RANBP2: variants seen among roughly 807,000 people sequenced by gnomAD.
The protein encoded by RANBP2 is E3 SUMO-protein ligase RanBP2.
In RANBP2, 57 loss-of-function variants were observed where a neutral mutation model predicts 303.6. The ratio of observed to expected loss-of-function variants is 0.19; its 90% confidence interval spans 0.15 to 0.23. The LOEUF is 0.23. RANBP2 is among the 10% of genes least tolerant of loss of function. RANBP2 has a pLI of 1.00. For synonymous variants in RANBP2, 1,167 were observed against 1,301.5 expected, an observed-to-expected ratio of 0.90 and a Z score of 2.23; for missense variants, 3,138 against 3,780.8, an observed-to-expected ratio of 0.83 and a Z score of 4.46.
the RANBP2 span, among the ~76,000 whole-genome samples, chr2:108,950,405 T>C: frequency 1.3e-5 from 2 of 152,136 alleles, no homozygotes; most frequent in African/African-American, 4.8e-5. Context: ...TGCATGCCAC[T>C]GCCTCTGGCT....
At chr2:109,162,333 C>A in the RANBP2 span, among the ~76,000 whole-genome samples, 1 of 152,208 alleles carries the variant, frequency 6.6e-6, no homozygotes, top group Non-Finnish European at 1.5e-5. Context: ...TGCTCTGACA[C>A]GTAAGCCCTC....
the RANBP2 span, among the ~76,000 whole-genome samples, chr2:109,206,454 G>GCA: frequency 7.9e-6 from 1 of 126,460 alleles, no homozygotes; most frequent in Non-Finnish European, 1.6e-5. Flanking sequence ...TCGTGCCACC[G>GCA]CACTCCAGCC....
chr2:108,828,040 A>G, the RANBP2 span, among the ~76,000 whole-genome samples: 2,000 of 152,204 alleles, frequency 0.013, 149 homozygotes, highest in East Asian at 0.21. Flanking sequence ...GATTTCACAT[A>G]TGATAAAGGT....
Position 108,767,276 on chromosome 2 carries a change from C to T in RANBP2, c.6737C>T (p.Ser2246Phe). ...GTCAGTAGTAGCTCAGTACATGCTT[C>T]TCCATTGGCAAGTAGCCCTGTGAGA... ...DSVSSSSVHA[S>F]PLASSPVRKN... is the part of the protein sequence containing the mutation. Residue 2246 changes from serine (S) to phenylalanine (F), a missense_variant, in exon 20 of 29, where the codon TCT becomes TTT. Physicochemically the swap from Ser to Phe is radical, Grantham distance 155 (BLOSUM62 -2). This residue lies in a region of RANBP2 where 72 missense variants were observed against 86.8 expected (regional missense o/e 0.83). Transcript: ENST00000283195. 8 of 1,612,060 alleles carry T rather than the reference C, an allele frequency of 5.0e-6. No individual in the cohort carries two copies. Among genetic ancestry groups the T allele is most frequent in the Non-Finnish European group, 6.8e-6 (8 of 1,179,876 alleles).
chr2:109,300,858 G>A, the RANBP2 span, among the ~76,000 whole-genome samples: 2 of 152,156 alleles, frequency 1.3e-5, no homozygotes, highest in Admixed American at 6.5e-5. Context: ...AAATCAGAAC[G>A]ACTTAAAAAG....
the RANBP2 span, among the ~76,000 whole-genome samples, chr2:109,159,346 G>A: frequency 6.6e-6 from 1 of 152,214 alleles, no homozygotes; most frequent in South Asian, 2.1e-4. Flanking sequence ...TGCCTGCCCT[G>A]CCCAGCCCCA....
At chr2:109,560,129 C>T in the RANBP2 span, among the ~76,000 whole-genome samples, 5 of 152,046 alleles carry the variant, frequency 3.3e-5, no homozygotes, top group Non-Finnish European at 7.4e-5. Flanking sequence ...ACCGTGTTAG[C>T]CAGGATAGTC....
the RANBP2 span, among the ~76,000 whole-genome samples, chr2:109,710,381 C>CA: frequency 0.75 from 108,161 of 144,642 alleles, 40,333 homozygotes; most frequent in Admixed American, 0.77. Context: ...GATTCTATCT[C>CA]AAAAAAAAAA....
chr2:109,386,282 A>G, the RANBP2 span, among the ~76,000 whole-genome samples: 16 of 152,200 alleles, frequency 1.1e-4, no homozygotes, highest in African/African-American at 2.9e-4. Context: ...TATCCGTTAG[A>G]GACGCATATG....
chr2:109,096,798 C>T, the RANBP2 span, among the ~76,000 whole-genome samples: 12 of 141,146 alleles, frequency 8.5e-5, no homozygotes, highest in Non-Finnish European at 1.2e-4. Context: ...TTTTTGGAAA[C>T]GCTTTTTTTT....
chr2:109,569,984 C>T, the RANBP2 span, among the ~76,000 whole-genome samples: 1 of 151,720 alleles, frequency 6.6e-6, no homozygotes, highest in Non-Finnish European at 1.5e-5. Context: ...ATGTAGTGCC[C>T]TTGTGTAAGT....
chr2:109,593,302 A>T, the RANBP2 span, among the ~76,000 whole-genome samples: 3 of 152,230 alleles, frequency 2.0e-5, no homozygotes, highest in African/African-American at 7.2e-5. Context: ...ATAGGTATCT[A>T]CATAAGTAAA....
At chr2:108,791,601 T>C in the RANBP2 span, 1 of 1,509,102 alleles carries the variant, frequency 6.6e-7, no homozygotes. Context: ...TGTTAATATT[T>C]GAAAAGCAGT....
the RANBP2 span, among the ~76,000 whole-genome samples, chr2:109,205,261 C>CTT: frequency 0.015 from 1,981 of 135,942 alleles, 61 homozygotes; most frequent in African/African-American, 0.05. Flanking sequence ...ACTTATGTGA[C>CTT]TTTTTTTTTT....
chr2:109,088,615 G>A, the RANBP2 span, among the ~76,000 whole-genome samples: 1 of 151,932 alleles, frequency 6.6e-6, no homozygotes, highest in African/African-American at 2.4e-5. Context: ...CAAGGCGTGA[G>A]GTTCTCACGC....
At chr2:109,485,625 C>T in the RANBP2 span, among the ~76,000 whole-genome samples, 4 of 152,200 alleles carry the variant, frequency 2.6e-5, no homozygotes, top group African/African-American at 7.2e-5. Context: ...TATGAATAAA[C>T]GCCTTCAAAA....
chr2:109,106,197 T>C, the RANBP2 span, among the ~76,000 whole-genome samples: 20 of 152,064 alleles, frequency 1.3e-4, no homozygotes, highest in African/African-American at 4.6e-4. Context: ...TCTCTACTGC[T>C]CTAAAACTTG....
the RANBP2 span, chr2:109,449,427 G>T: frequency 3.1e-6 from 5 of 1,613,994 alleles, no homozygotes; most frequent in Non-Finnish European, 4.2e-6. Context: ...GCCCATCGGT[G>T]TTCTGTCCAC....
chr2:109,388,491 C>A, the RANBP2 span, among the ~76,000 whole-genome samples: 19 of 152,318 alleles, frequency 1.2e-4, no homozygotes, highest in African/African-American at 4.6e-4. Flanking sequence ...CCCCCAGGTA[C>A]TCTCAGCTGC....
Sources: allele counts gnomAD v4.1 joint callset (sites outside exome capture counted in the v4.1 genomes callset), GRCh38; gene constraint gnomAD v4.1.1; regional missense constraint gnomAD v4.1.1; transcripts MANE v1.5; gene names NCBI Gene and HGNC (gene_info 2026-07-23, HGNC 2026-07-21).